The following CEP128 variants were observed in gnomAD, a reference collection of about 807,000 sequenced individuals.
CEP128 encodes the protein centrosomal protein 128kDa.
CEP128 carries 132 observed loss-of-function variants against 156.7 expected under a neutral mutation model. The ratio of observed to expected loss-of-function variants is 0.84; its 90% CI spans 0.73 to 0.97. The LOEUF is 0.97. CEP128 is among the 50% of genes least tolerant of loss of function. CEP128 has a pLI of 0.00. For missense variants in CEP128, 1,252 were observed against 1,281.9 expected (o/e 0.98, Z 0.36); for synonymous variants, 469 against 448.9 (o/e 1.04, Z -0.57).
intron 21 of CEP128, among the ~76,000 whole-genome samples, chr14:80,543,671 T>G (rs1889862357): frequency 6.6e-6 from 1 of 152,206 alleles, no homozygotes; most frequent in Admixed American, 6.5e-5. Context: ...CACAACCAAT[T>G]GCTTTCTTGA....
At chr14:80,642,912 G>A (rs952462275) in intron 19 of CEP128, among the ~76,000 whole-genome samples, 2 of 151,926 alleles carry the variant, frequency 1.3e-5, no homozygotes, top group African/African-American at 2.4e-5. Context: ...GTGCCACCAC[G>A]CCTGGCTAAT....
At chr14:80,881,290 T>A (rs1452521584) in intron 8 of CEP128, among the ~76,000 whole-genome samples, 1 of 152,074 alleles carries the variant, frequency 6.6e-6, no homozygotes, top group African/African-American at 2.4e-5. Context: ...CTACTATGAG[T>A]AACTATATGC....
chr14:80,859,404 G>C (rs560027425), intron 9 of CEP128, among the ~76,000 whole-genome samples: 4 of 99,166 alleles, frequency 4.0e-5, no homozygotes, highest in African/African-American at 1.1e-4. Context: ...TTGTGGGGTG[G>C]GGGGAGGGGG....
At chr14:80,936,171 T>C (rs1407449210) in intron 2 of CEP128, among the ~76,000 whole-genome samples, 1 of 152,182 alleles carries the variant, frequency 6.6e-6, no homozygotes, top group Non-Finnish European at 1.5e-5. Flanking sequence ...CACTTATTCA[T>C]CCATTCATGA....
At chr14:80,866,390 G>A (rs1252046655) in intron 8 of CEP128, among the ~76,000 whole-genome samples, 8 of 152,088 alleles carry the variant, frequency 5.3e-5, no homozygotes, top group South Asian at 2.1e-4. Context: ...AGCCCCAGAG[G>A]AGCCAGGATC....
rs746413481 is a variant in CEP128 at position 80,831,152 on chromosome 14, T to C, written c.1200A>G (p.Ser400=). The change falls in exon 13 of 25, where the codon TCA becomes TCG. Residue 400 remains serine (S), a synonymous_variant. Coordinates refer to ENST00000555265, the MANE Select transcript of CEP128 (RefSeq NM_152446.5). ...AAAAGAGCAAAGTCACCTCTACTTG[T>C]GATGCCAAATGTGCTTTCTCCTTGT... ...RKDKEKAHLA[S]QVENLTRELE... 6.2e-7 allele frequency: 1 copy of C among 1,614,008 alleles called. No homozygotes were observed. The highest frequency in any genetic ancestry group is 8.5e-7 in the Non-Finnish European group (1 of 1,179,898).
At chr14:80,613,680 CT>C (rs1484979107) in intron 19 of CEP128, among the ~76,000 whole-genome samples, 1 of 151,980 alleles carries the variant, frequency 6.6e-6, no homozygotes, top group Non-Finnish European at 1.5e-5. Flanking sequence ...AAGAGATGGC[CT>C]TTTCCCCATC....
intron 23 of CEP128, among the ~76,000 whole-genome samples, chr14:80,521,658 T>C (rs1031617292): frequency 1.3e-5 from 2 of 152,256 alleles, no homozygotes; most frequent in Non-Finnish European, 2.9e-5. Flanking sequence ...AAATGTGTCA[T>C]GTAAGCATTA....
chr14:80,820,152 A>C (rs1298501491), intron 13 of CEP128, among the ~76,000 whole-genome samples: 1 of 152,182 alleles, frequency 6.6e-6, no homozygotes, highest in Admixed American at 6.5e-5. Context: ...TATATGATCT[A>C]ATTTCACAAT....
At chr14:80,844,454 C>T (rs1448495776) in intron 9 of CEP128, among the ~76,000 whole-genome samples, 1 of 151,942 alleles carries the variant, frequency 6.6e-6, no homozygotes, top group African/African-American at 2.4e-5. Flanking sequence ...TATTATGATA[C>T]CATACATACT....
At chr14:80,824,779 T>A (rs1182747551) in intron 13 of CEP128, among the ~76,000 whole-genome samples, 1 of 152,226 alleles carries the variant, frequency 6.6e-6, no homozygotes, top group Non-Finnish European at 1.5e-5. Context: ...TGTATTCTTT[T>A]GAGTCTTCCA....
At chr14:80,630,537 G>C (rs1432822707) in intron 19 of CEP128, among the ~76,000 whole-genome samples, 1 of 151,876 alleles carries the variant, frequency 6.6e-6, no homozygotes, top group South Asian at 2.1e-4. Context: ...ATACCCCAAA[G>C]TCTGCCTTGG....
intron 19 of CEP128, among the ~76,000 whole-genome samples, chr14:80,593,470 G>C (rs1225174614): frequency 2.0e-5 from 3 of 151,316 alleles, no homozygotes; most frequent in Non-Finnish European, 4.4e-5. Flanking sequence ...GAACCCAGGA[G>C]GCGGAGCTTG....
At chr14:80,823,591 A>G (rs1428005594) in intron 13 of CEP128, among the ~76,000 whole-genome samples, 2 of 147,402 alleles carry the variant, frequency 1.4e-5, no homozygotes, top group African/African-American at 2.5e-5. Flanking sequence ...ATAAAGCTGG[A>G]TACAGTTTGG....
intron 21 of CEP128, among the ~76,000 whole-genome samples, chr14:80,557,338 G>A (rs1456951681): frequency 1.3e-5 from 2 of 152,096 alleles, no homozygotes; most frequent in African/African-American, 4.8e-5. Context: ...ATATTTTCAC[G>A]TGTATTTTCT....
chr14:80,750,750 G>GA (rs1899349057), intron 18 of CEP128, among the ~76,000 whole-genome samples: 2 of 152,096 alleles, frequency 1.3e-5, no homozygotes, highest in Admixed American at 6.5e-5. Context: ...TGGTTCTGGG[G>GA]AAAAAACAAA....
At chr14:80,510,773 T>C (rs570209797) in intron 23 of CEP128, among the ~76,000 whole-genome samples, 1 of 152,106 alleles carries the variant, frequency 6.6e-6, no homozygotes, top group South Asian at 2.1e-4. Context: ...ATATGTTCCT[T>C]TTAAAATCCC....
intron 23 of CEP128, among the ~76,000 whole-genome samples, chr14:80,517,684 C>G (rs1166989560): frequency 6.6e-6 from 1 of 152,186 alleles, no homozygotes; most frequent in Non-Finnish European, 1.5e-5. Flanking sequence ...CGGCAAGCCT[C>G]TTGTTCTCTG....
At chr14:80,787,903 T>A (rs994458940) in intron 14 of CEP128, among the ~76,000 whole-genome samples, 2 of 152,174 alleles carry the variant, frequency 1.3e-5, no homozygotes, top group African/African-American at 4.8e-5. Flanking sequence ...ACAGGATGGT[T>A]CAAGAAGAAT....
Sources: allele counts gnomAD v4.1 joint callset (sites outside exome capture counted in the v4.1 genomes callset), GRCh38; gene constraint gnomAD v4.1.1; transcripts MANE v1.5; gene names NCBI Gene and HGNC (gene_info 2026-07-23, HGNC 2026-07-21).